The following FHL2 variants were observed in gnomAD, a reference collection of about 807,000 sequenced individuals.
FHL2 encodes four and a half LIM domains 2, also known as four and a half LIM domains protein 2.
FHL2 carries 20 observed loss-of-function variants against 32.7 expected under a neutral mutation model. The ratio of observed to expected loss-of-function variants is 0.61; its 90% confidence interval spans 0.43 to 0.89. FHL2 has a LOEUF of 0.89. Among genes scored for constraint, FHL2 ranks in the 40% least tolerant of loss-of-function variants. The probability of loss-of-function intolerance (pLI) is 0.00; values close to 1 mark genes in which losing one functional copy is unlikely to be tolerated. For missense variants in FHL2, 311 were observed against 358.6 expected, an observed-to-expected ratio of 0.87 and a Z score of 1.07; for synonymous variants, 123 against 128.1, an observed-to-expected ratio of 0.96 and a Z score of 0.27.
intron 2 of FHL2, among the ~76,000 whole-genome samples, chr2:105,393,608 G>A (rs1243481264): frequency 6.6e-6 from 1 of 152,214 alleles, no homozygotes; most frequent in East Asian, 1.9e-4. Context: ...ACACACACAG[G>A]ACCAGGGGCT....
chr2:105,407,727 G>T (rs1346365803), intron 1 of FHL2, among the ~76,000 whole-genome samples: 1 of 152,146 alleles, frequency 6.6e-6, no homozygotes, highest in Non-Finnish European at 1.5e-5. Context: ...TTCTTGGGAT[G>T]GTGCTTCTCT....
chr2:105,395,427 C>T (rs1043257080), intron 2 of FHL2, among the ~76,000 whole-genome samples: 15 of 152,184 alleles, frequency 9.9e-5, no homozygotes, highest in African/African-American at 2.7e-4. Context: ...CTCCCAAGTG[C>T]GGCTCACTGT....
At chr2:105,427,185 T>C (rs540435291) in intron 1 of FHL2, among the ~76,000 whole-genome samples, 1 of 152,204 alleles carries the variant, frequency 6.6e-6, no homozygotes, top group African/African-American at 2.4e-5. Flanking sequence ...TTTTACATCA[T>C]AACCACATCA....
chr2:105,393,503 A>G (rs1169118995), intron 2 of FHL2, among the ~76,000 whole-genome samples: 5 of 152,204 alleles, frequency 3.3e-5, no homozygotes. Context: ...ACATTATAAA[A>G]GTGCAGTGTT....
Position 105,363,312 on chromosome 2 carries a change from A to C in FHL2, c.661T>G (p.Cys221Gly). 1 of 1,614,180 alleles carries C rather than the reference A, an allele frequency of 6.2e-7. No individual in the cohort carries two copies. The highest frequency in any genetic ancestry group is 2.2e-5 in the East Asian group (1 of 44,878). Residue 221 changes from cysteine to glycine, a missense_variant, in exon 6 of 7, where the codon TGT (cysteine) becomes GGT (glycine). Cys to Gly is a radical substitution (Grantham distance 159). Coordinates refer to ENST00000530340, the MANE Select transcript of FHL2 (RefSeq NM_001318895.3). ...NCFCDLYAKK[C>G]AGCTNPISGL... ...CTGATGGGGTTGGTGCACCCAGCAC[A>C]CTTCTTGGCATACAAGTCACAGAAG...
intron 5 of FHL2, among the ~76,000 whole-genome samples, chr2:105,364,871 G>A (rs1680520987): frequency 6.6e-6 from 1 of 152,162 alleles, no homozygotes; most frequent in African/African-American, 2.4e-5. Context: ...GACGAAGCAG[G>A]AACTAGAATT....
At chr2:105,399,803 C>A (rs1683397392), upstream of FHL2, 1 of 544,528 alleles carries the variant, frequency 1.8e-6, no homozygotes, top group South Asian at 2.4e-5. Context: ...GAGGGTGCGT[C>A]GTGATGGAAA....
chr2:105,403,108 T>TAAACCA (rs1285338861), upstream of FHL2, among the ~76,000 whole-genome samples: 16 of 152,350 alleles, frequency 1.1e-4, no homozygotes, highest in African/African-American at 2.2e-4. Context: ...GAGATGCACA[T>TAAACCA]AAACCACTTA....
At chr2:105,373,182 A>G (rs1396658764) in intron 4 of FHL2, among the ~76,000 whole-genome samples, 1 of 152,258 alleles carries the variant, frequency 6.6e-6, no homozygotes, top group Non-Finnish European at 1.5e-5. Flanking sequence ...CACCATGCAC[A>G]CTTGGTGAAA....
chr2:105,419,108 G>A (rs1684023325), intron 1 of FHL2, among the ~76,000 whole-genome samples: 1 of 152,160 alleles, frequency 6.6e-6, no homozygotes, highest in South Asian at 2.1e-4. Flanking sequence ...ACATCAGAAA[G>A]ACAGACATGT....
chr2:105,426,450 T>C (rs970070533), intron 1 of FHL2, among the ~76,000 whole-genome samples: 2 of 152,218 alleles, frequency 1.3e-5, no homozygotes, highest in African/African-American at 4.8e-5. Context: ...TCTATCAAAA[T>C]ACCTTTGCAG....
intron 4 of FHL2, among the ~76,000 whole-genome samples, chr2:105,370,376 A>G (rs1420714436): frequency 6.7e-6 from 1 of 149,026 alleles, no homozygotes; most frequent in South Asian, 2.1e-4. Flanking sequence ...TCCTGGCTCA[A>G]AAAAAAAAAA....
chr2:105,431,635 T>C (rs2104683616), intron 1 of FHL2, among the ~76,000 whole-genome samples: 1 of 152,334 alleles, frequency 6.6e-6, no homozygotes, highest in East Asian at 1.9e-4. Context: ...CTGGATCATG[T>C]AGGGCTCTGT....
At chr2:105,381,379 G>A (rs57798755) in intron 3 of FHL2, among the ~76,000 whole-genome samples, 17,636 of 151,986 alleles carry the variant, frequency 0.12, 1,198 homozygotes, top group East Asian at 0.29. Flanking sequence ...CGACAGTCCC[G>A]TGAGCTAGGA....
In FHL2 at chr2:105,367,446, G is replaced by T. The variant is rs138552458; in HGVS notation, c.501+124C>A. On this transcript the variant is annotated intron_variant, in intron 5 of 6. Transcript: ENST00000530340. ...AATGCTCAGAATGTAAGGCAGGACA[G>T]GCACAGCTCCCACGCCACTTAAGTA... 3.9e-4 allele frequency: 379 copies of T among 964,898 alleles called. 1 individual carries two copies. The African/African-American group carries it at 5.9e-3, about 15-fold the overall frequency. 59.8% of individuals were successfully genotyped at this position (964,898 alleles called of 1,614,324 possible). A position where few individuals can be genotyped will look rare whatever the true frequency, so the allele number is the denominator to read the frequency against.
At chr2:105,402,915 A>G (rs1399971493), upstream of FHL2, among the ~76,000 whole-genome samples, 1 of 152,254 alleles carries the variant, frequency 6.6e-6, no homozygotes, top group East Asian at 1.9e-4. Context: ...TTCACTATAG[A>G]AAGCGTAATG....
chr2:105,430,789 G>A (rs558046868), intron 1 of FHL2, among the ~76,000 whole-genome samples: 2 of 152,320 alleles, frequency 1.3e-5, no homozygotes, highest in South Asian at 4.1e-4. Flanking sequence ...TTCCACAGAG[G>A]TCCTGCCCTG....
chr2:105,393,761 C>A (rs1682904524), intron 2 of FHL2, among the ~76,000 whole-genome samples: 1 of 152,184 alleles, frequency 6.6e-6, no homozygotes, highest in Non-Finnish European at 1.5e-5. Flanking sequence ...CATAGCAAAC[C>A]CAACATGTAA....
chr2:105,378,364 C>T, intron 3 of FHL2: 1 of 362,872 alleles, frequency 2.8e-6, no homozygotes, highest in Admixed American at 3.7e-5. Context: ...CCACACCCTG[C>T]TCTATCGGAT....
Sources: allele counts gnomAD v4.1 joint callset (sites outside exome capture counted in the v4.1 genomes callset), GRCh38; gene constraint gnomAD v4.1.1; transcripts MANE v1.5; gene names NCBI Gene and HGNC (gene_info 2026-07-23, HGNC 2026-07-21).